NCF4: variants seen among roughly 807,000 people sequenced by gnomAD.
The protein encoded by NCF4 is neutrophil cytosolic factor 4, also known as neutrophil cytosol factor 4.
Under a neutral mutation model 41.7 loss-of-function variants are expected in NCF4, and 30 were observed. The observed-to-expected ratio is 0.72, with a 90% CI of 0.54 to 0.97. The LOEUF is 0.97. Ranked by LOEUF, NCF4 falls within the 50% of genes least tolerant of loss-of-function variation. The pLI, the probability that NCF4 is intolerant of heterozygous loss-of-function variation, is 0.00. For missense variants in NCF4, 432 were observed against 460.9 expected (o/e 0.94, Z 0.57); for synonymous variants, 195 against 175.8 (o/e 1.11, Z -0.87).
Position 36,865,151 on chromosome 22 carries a change from T to C in NCF4, c.271+79T>C, listed in dbSNP as rs1939898207. The C allele has an allele frequency of 8.9e-6, 14 of 1,575,236 alleles. No homozygotes were observed. The South Asian group carries it at 1.1e-4, about 12-fold the overall frequency. ...CAGGGCCCCTGACACTGTTCTGTGATTTGATCTCAACCCCAGTGAAAACTG... is the reference window on the plus strand; with the variant it reads ...CAGGGCCCCTGACACTGTTCTGTGACTTGATCTCAACCCCAGTGAAAACTG... On this transcript the variant is annotated intron_variant, in intron 3 of 9. Coordinates refer to ENST00000248899, the MANE Select transcript of NCF4 (RefSeq NM_000631.5). The surrounding 1 kb of genome is among the most constrained non-coding windows in gnomAD (Gnocchi z 4.3).
chr22:36,866,625 G>A lies in NCF4; in HGVS notation c.272-767G>A, dbSNP rs913956497. The stretch of plus-strand genomic sequence containing the variant: ...CTCTAGCCCAGACCCTCCTACCGCC[G>A]CCGCCATCACCTCTGTCCATCTCCT... On this transcript the variant is annotated intron_variant, in intron 3 of 9. Transcript: ENST00000248899. Among the ~76,000 whole-genome samples, 21 of 152,126 alleles carry A rather than the reference G, an allele frequency of 1.4e-4. No homozygotes were observed. In the South Asian group the frequency reaches 1.5e-3, roughly 11 times the overall value.
At position 36,870,449 on chromosome 22, in the gene NCF4, A is replaced by C; in HGVS notation, c.377A>C (p.Asp126Ala). 1 of 1,613,914 alleles carries C rather than the reference A, an allele frequency of 6.2e-7. No homozygotes were observed. The highest frequency in any genetic ancestry group is 8.5e-7 in the Non-Finnish European group (1 of 1,180,008). Residue 126 changes from aspartate to alanine, a missense_variant, in exon 5 of 10, where the codon GAT becomes GCT. Transcript: ENST00000248899. The stretch of plus-strand genomic sequence containing the variant: ...AGCCTGCCGGTCTGGGTGCTGATGG[A>C]TGAGGACGTCCGGATCTTCTTTTAC... ...LLSLPVWVLM[D>A]EDVRIFFYQS...
chr22:36,876,755 G>C (rs184297577), intron 9 of NCF4, among the ~76,000 whole-genome samples: 1 of 152,280 alleles, frequency 6.6e-6, no homozygotes, highest in African/African-American at 2.4e-5. Context: ...ACATTGTACA[G>C]ACCATCTTAG....
chr22:36,863,173 A>G (rs1939821309), intron 1 of NCF4, among the ~76,000 whole-genome samples: 1 of 152,146 alleles, frequency 6.6e-6, no homozygotes, highest in Admixed American at 6.5e-5. Flanking sequence ...TGTATTGAGC[A>G]GTACTGAGCA....
rs1226262720 is a variant in NCF4, at chr22:36,872,713, G to A, written c.627+288G>A. On this transcript the variant is annotated intron_variant, in intron 7 of 9. Transcript: ENST00000248899. ...GGTAAGGTTGGAGGTGAGATTGGAG[G>A]TGAGGTTGGAGGTGAGATTGGAGAT... is the stretch of plus-strand genomic sequence containing the variant. 3.0e-4 allele frequency among the ~76,000 whole-genome samples: 43 copies of A among 144,660 alleles called. 1 individual carries two copies. The highest frequency in any genetic ancestry group is 1.1e-3 in the African/African-American group (41 of 37,908). 94.9% of individuals were successfully genotyped at this position (144,660 alleles called of 152,430 possible). A position where few individuals can be genotyped will look rare whatever the true frequency, so the allele number is the denominator to read the frequency against.
At chr22:36,866,264 A>G (rs1296809355) in intron 3 of NCF4, among the ~76,000 whole-genome samples, 1 of 151,010 alleles carries the variant, frequency 6.6e-6, no homozygotes, top group Non-Finnish European at 1.5e-5. Context: ...CTCCACTGAA[A>G]TTCCTCTCGG....
chr22:36,866,732 T>C (rs189354125), intron 3 of NCF4, among the ~76,000 whole-genome samples: 64 of 152,304 alleles, frequency 4.2e-4, no homozygotes, highest in Non-Finnish European at 7.4e-4. Flanking sequence ...TGCGCCCACA[T>C]GAAGGCACCT....
chr22:36,870,056 T>C, intron 4 of NCF4: 1 of 361,166 alleles, frequency 2.8e-6, no homozygotes, highest in Non-Finnish European at 5.4e-6. Context: ...TCAAGGGATG[T>C]CATGAGATGG....
chr22:36,871,869 T>G (rs1199090961), intron 6 of NCF4, among the ~76,000 whole-genome samples, 160 bp downstream of exon 6: 1 of 152,220 alleles, frequency 6.6e-6, no homozygotes, highest in Non-Finnish European at 1.5e-5. Flanking sequence ...CCTCTGCCAC[T>G]GGGGGTCCCC....
At chr22:36,872,996 GTGGAGGTGAGGATGGAGGTGAGAC>G (rs1940112036) in intron 7 of NCF4, among the ~76,000 whole-genome samples, 3 of 136,182 alleles carry the variant, frequency 2.2e-5, no homozygotes, top group Non-Finnish European at 3.1e-5. Flanking sequence ...GGAGGCGAGA[GTGGAGGTGAGGATGGAGGTGAGAC>G]TGGAGGTGAG....
intron 9 of NCF4, 129 bp downstream of exon 9, chr22:36,876,223 C>A (rs1210142744): frequency 4.1e-6 from 4 of 976,126 alleles, no homozygotes; most frequent in Non-Finnish European, 5.9e-6. Context: ...TATCCGCAGC[C>A]CAGCCCTGCA....
chr22:36,865,071 A>G lies in NCF4; in HGVS notation c.270A>G (p.Pro90=). ...TGGCCTGTACCCTGCCCACACTCCC[A>G]GGTAGGCGGCCACTCCCGTCCTGCT... The part of the protein sequence containing the change: ...SALACTLPTL[P]AKVYVGVKQE... Residue 90 remains proline (P), a splice_region_variant and synonymous_variant, in exon 3 of 10, where the codon CCA becomes CCG. Transcript: ENST00000248899. This position sits in a 1 kb window ranked among gnomAD's most constrained non-coding sequence, Gnocchi z 4.3. The G allele has an allele frequency of 6.2e-7, 1 of 1,609,784 alleles. No individual in the cohort carries two copies. The highest frequency in any genetic ancestry group is 8.5e-7 in the Non-Finnish European group (1 of 1,179,936).
intron 3 of NCF4, among the ~76,000 whole-genome samples, chr22:36,866,221 C>T (rs1939923865): frequency 1.3e-5 from 2 of 152,082 alleles, no homozygotes; most frequent in South Asian, 4.1e-4. Flanking sequence ...GCCATCCTCT[C>T]CTTAACTCCT....
At chr22:36,863,772 G>C (rs1939844311) in intron 1 of NCF4, among the ~76,000 whole-genome samples, 1 of 151,426 alleles carries the variant, frequency 6.6e-6, no homozygotes, top group South Asian at 2.1e-4. Flanking sequence ...ATGGTCACCA[G>C]CTTCCCATTC....
intron 4 of NCF4, 94 bp downstream of exon 4, chr22:36,867,556 G>A (rs1421150275): frequency 1.4e-6 from 2 of 1,379,330 alleles, no homozygotes; most frequent in East Asian, 4.8e-5. Flanking sequence ...TTTGGGAACT[G>A]GGGCTGGCTC....
chr22:36,875,799 G>A lies in NCF4; in HGVS notation c.758+16G>A. 6.2e-7 allele frequency: 1 copy of A among 1,614,182 alleles called. No homozygotes were observed. Among genetic ancestry groups the A allele is most frequent in the Non-Finnish European group, 8.5e-7 (1 of 1,180,032 alleles). ...GCACCATCAAGTCTGTGGCCTGGGA[G>A]GGAGGGGCCTGTCCAGCCTTCCTGC... On this transcript the variant is annotated intron_variant, in intron 8 of 9. Coordinates refer to ENST00000248899, the MANE Select transcript of NCF4 (RefSeq NM_000631.5).
chr22:36,867,421 A>G lies in NCF4; in HGVS notation c.301A>G (p.Ile101Val), dbSNP rs775504785. The part of the protein sequence containing the change: ...AKVYVGVKQE[I>V]AEMRIPALNA... ...AGTCTACGTGGGTGTGAAACAGGAG[A>G]TCGCCGAGATGCGGATACCTGCCCT... The change falls in exon 4 of 10, where the codon ATC becomes GTC. Residue 101 changes from isoleucine (I) to valine (V), a missense_variant. By Grantham distance (29) the Ile-to-Val change is conservative (BLOSUM62 3). Coordinates refer to ENST00000248899, the MANE Select transcript of NCF4 (RefSeq NM_000631.5). The G allele has an allele frequency of 2.5e-6, 4 of 1,614,142 alleles. No homozygotes were observed. The highest frequency in any genetic ancestry group is 3.4e-6 in the Non-Finnish European group (4 of 1,180,026).
chr22:36,871,187 C>T (rs1319852595), intron 5 of NCF4, among the ~76,000 whole-genome samples: 3 of 152,224 alleles, frequency 2.0e-5, no homozygotes, highest in African/African-American at 4.8e-5. Flanking sequence ...CTGGCATCTC[C>T]CCTGTGCACA....
chr22:36,862,068 G>A (rs1230523841), intron 1 of NCF4, among the ~76,000 whole-genome samples: 2 of 152,164 alleles, frequency 1.3e-5, no homozygotes, highest in African/African-American at 2.4e-5. Context: ...TCGTCGCTTG[G>A]GAAGCATTTT....
Sources: allele counts gnomAD v4.1 joint callset (sites outside exome capture counted in the v4.1 genomes callset), GRCh38; gene constraint gnomAD v4.1.1; non-coding constraint Gnocchi (gnomAD v3.1); transcripts MANE v1.5; gene names NCBI Gene and HGNC (gene_info 2026-07-23, HGNC 2026-07-21).